The following ZNF763 variants were observed in gnomAD, a reference collection of about 807,000 sequenced individuals.
ZNF763 encodes the protein zinc finger protein 763, also known as DNA-binding protein.
In ZNF763, 33 loss-of-function variants were observed where a neutral mutation model predicts 38.0. The ratio of observed to expected loss-of-function variants is 0.87; its 90% confidence interval spans 0.66 to 1.16. The LOEUF (loss-of-function observed/expected upper bound fraction) is 1.16. Among genes scored for constraint, ZNF763 ranks in the 50% most tolerant of loss-of-function variants. The pLI is 0.00. For synonymous variants in ZNF763, 155 were observed against 160.1 expected (o/e 0.97, Z 0.24); for missense variants, 423 against 469.1 (o/e 0.90, Z 0.91).
chr19:11,966,916 A>C (rs1474924080), intron 1 of ZNF763, among the ~76,000 whole-genome samples: 1 of 152,168 alleles, frequency 6.6e-6, no homozygotes, highest in Non-Finnish European at 1.5e-5. Flanking sequence ...CCAAAATTGG[A>C]AGTTAAGTTC....
rs147193621 is a variant in ZNF763, at chr19:11,975,437, G to A, written c.4-1601G>A. On this transcript the variant is annotated intron_variant, in intron 1 of 3. Coordinates refer to ENST00000358987, the MANE Select transcript of ZNF763 (RefSeq NM_001367172.2). ...TTTTGAGACAGAGTCTTGCTCTGTC[G>A]CCCAGGCTGGACTGCAGTGGCGCAA... 7.2e-3 allele frequency among the ~76,000 whole-genome samples: 1,078 copies of A among 149,948 alleles called. 18 individuals are homozygous for A. The highest frequency in any genetic ancestry group is 0.025 in the African/African-American group (1,021 of 40,514).
rs1181727876 is a variant in ZNF763 at position 11,978,827 on chromosome 19, A to G, written c.903A>G (p.Ile301Met). Residue 301 changes from isoleucine (I) to methionine (M), a missense_variant, in exon 4 of 4, where the codon ATA becomes ATG. Transcript: ENST00000358987. ...TCAGTTGGTGTCATTCCTTTCAAAT[A>G]CATGAAAGAACTCACACTGGGGAGA... ...KSFSWCHSFQIHERTHTGEKP... is the reference protein window; with the variant it reads ...KSFSWCHSFQMHERTHTGEKP... The G allele has an allele frequency of 1.9e-6, 3 of 1,614,150 alleles. No individual in the cohort carries two copies. The African/African-American group carries it at 4.0e-5, about 22-fold the overall frequency.
rs1973598158 is a variant in ZNF763 at position 11,980,566 on chromosome 19, AGGTT to A, written c.*1462_*1465del. On this transcript the variant is annotated 3_prime_UTR_variant, in exon 4 of 4. Transcript: ENST00000358987. ...TATACCTTAGAAAGCTATTTTTTTC[AGGTT>A]GGTTTAGTGAGTCACAGGAAGCTAA... Among the ~76,000 whole-genome samples the A allele has an allele frequency of 1.3e-5, 2 of 152,236 alleles. No homozygotes were observed. The highest frequency in any genetic ancestry group is 3.9e-4 in the East Asian group (2 of 5,188).
chr19:11,969,894 G>A (rs1281133314), intron 1 of ZNF763, among the ~76,000 whole-genome samples: 2 of 152,174 alleles, frequency 1.3e-5, no homozygotes, highest in Non-Finnish European at 2.9e-5. Context: ...TTTACAGGGT[G>A]ATGTGTCTTC....
In ZNF763 at chr19:11,967,594, G is replaced by A. The variant is rs536701466; in HGVS notation, c.3+2383G>A. Among the ~76,000 whole-genome samples the A allele has an allele frequency of 1.4e-3, 213 of 152,142 alleles. 10 individuals carry two copies. The highest frequency in any genetic ancestry group is 1.2e-3 in the South Asian group (6 of 4,822). On this transcript the variant is annotated intron_variant, in intron 1 of 3. Transcript: ENST00000358987. The stretch of plus-strand genomic sequence containing the variant: ...AATTTTTTGTATTTTTAGTAGAGAC[G>A]GGGTTTCACCGTGTTAGCCAGGATG...
chr19:11,971,144 A>C (rs1973342734), intron 1 of ZNF763, among the ~76,000 whole-genome samples: 1 of 152,144 alleles, frequency 6.6e-6, no homozygotes, highest in Admixed American at 6.5e-5. Context: ...TTAAAGAATA[A>C]ACATTTGTTT....
chr19:11,977,425 A>T lies in ZNF763; in HGVS notation c.185A>T (p.Asn62Ile), dbSNP rs1973519642. The change falls in exon 3 of 4, where the codon AAC (asparagine) becomes ATC (isoleucine). Residue 62 changes from asparagine (N) to isoleucine (I), a missense_variant. Coordinates refer to ENST00000358987, the MANE Select transcript of ZNF763 (RefSeq NM_001367172.2). ...IEYEYQNPRR[N>I]FRSLIEGNVN... ...TATGAGTACCAAAACCCCAGGAGAA[A>T]CTTCAGGTAATTGGCACTTAAAGAG... 1.9e-6 allele frequency: 3 copies of T among 1,613,970 alleles called. No homozygotes were observed. The highest frequency in any genetic ancestry group is 8.5e-7 in the Non-Finnish European group (1 of 1,179,906).
chr19:11,975,065 G>A (rs1046271277), intron 1 of ZNF763, among the ~76,000 whole-genome samples: 1 of 151,680 alleles, frequency 6.6e-6, no homozygotes, highest in Non-Finnish European at 1.5e-5. Flanking sequence ...GATGTTTCTT[G>A]CATGTCATAG....
intron 1 of ZNF763, among the ~76,000 whole-genome samples, chr19:11,974,209 T>A (rs1369827298): frequency 8.0e-6 from 1 of 125,302 alleles, no homozygotes; most frequent in Non-Finnish European, 1.7e-5. Flanking sequence ...TTTTTTTTTG[T>A]TTTTTGTTTT....
chr19:11,971,556 A>C (rs1973350906), intron 1 of ZNF763, among the ~76,000 whole-genome samples: 1 of 152,220 alleles, frequency 6.6e-6, no homozygotes, highest in Admixed American at 6.5e-5. Context: ...AGTGAAAAAA[A>C]CAAACTGCCT....
chr19:11,978,458 A>G lies in ZNF763; in HGVS notation c.534A>G (p.Gly178=), dbSNP rs1263333044. Residue 178 remains glycine (G), a synonymous_variant, in exon 4 of 4, where the codon GGA becomes GGG. Coordinates refer to ENST00000358987, the MANE Select transcript of ZNF763 (RefSeq NM_001367172.2). ...AACCCTATGCTTGTAAAGAATGTGG[A>G]AAAACCTTTATTTCCCATTCAGGCA... ...GEKPYACKEC[G]KTFISHSGIR... is the part of the protein sequence containing the mutation. 3 of 1,614,176 alleles carry G rather than the reference A, an allele frequency of 1.9e-6. No individual in the cohort carries two copies. The East Asian group carries it at 6.7e-5, about 36-fold the overall frequency.
At chr19:11,977,300 G>A in intron 2 of ZNF763, 71 bp from the exon 3 acceptor site, 1 of 1,605,610 alleles carries the variant, frequency 6.2e-7, no homozygotes, top group Non-Finnish European at 8.5e-7. Context: ...GTAAATCATA[G>A]ACATAGAATC....
chr19:11,975,467 G>A (rs1024836116), intron 1 of ZNF763, among the ~76,000 whole-genome samples: 15 of 150,244 alleles, frequency 1.0e-4, no homozygotes, highest in Admixed American at 7.9e-4. Flanking sequence ...GCGCAATCTC[G>A]GCTCACTGCA....
intron 1 of ZNF763, among the ~76,000 whole-genome samples, chr19:11,967,075 C>T (rs1973247211): frequency 6.6e-6 from 1 of 152,194 alleles, no homozygotes; most frequent in Admixed American, 6.5e-5. Context: ...TGGCTTAGGC[C>T]TGTAATTCAA....
intron 1 of ZNF763, among the ~76,000 whole-genome samples, chr19:11,971,791 C>T (rs1314205558): frequency 7.2e-5 from 11 of 152,124 alleles, no homozygotes. Context: ...TGGCCGGGCG[C>T]GGTGGCTCAC....
intron 1 of ZNF763, among the ~76,000 whole-genome samples, chr19:11,970,175 A>G (rs1973322070): frequency 6.6e-6 from 1 of 152,176 alleles, no homozygotes. Flanking sequence ...TGCCAATCGG[A>G]TGTTGCTAAT....
intron 1 of ZNF763, among the ~76,000 whole-genome samples, chr19:11,975,008 G>A (rs1393369599): frequency 6.6e-6 from 1 of 152,062 alleles, no homozygotes; most frequent in African/African-American, 2.4e-5. Context: ...ATCTACATAA[G>A]TTCTCTAAGA....
In ZNF763 at chr19:11,977,377, A is replaced by G. The variant is rs1378236256; in HGVS notation, c.137A>G (p.Lys46Arg). The G allele has an allele frequency of 6.2e-7, 1 of 1,613,834 alleles. No homozygotes were observed. Among genetic ancestry groups the G allele is most frequent in the Non-Finnish European group, 8.5e-7 (1 of 1,179,882 alleles). Residue 46 changes from lysine (K) to arginine (R), a missense_variant, in exon 3 of 4, where the codon AAG becomes AGG. Lys to Arg is a conservative substitution (Grantham distance 26). Transcript: ENST00000358987. The stretch of plus-strand genomic sequence containing the variant: ...TTCTGTGTCTGTATTTTAGGGAAAA[A>G]GTGGAAAGACCAGAACATTGAATAT... Reference protein sequence around the residue: ...TFRNLTSIGKKWKDQNIEYEY... With the variant: ...TFRNLTSIGKRWKDQNIEYEY...
chr19:11,972,211 G>A (rs1973367296), intron 1 of ZNF763, among the ~76,000 whole-genome samples: 1 of 152,068 alleles, frequency 6.6e-6, no homozygotes, highest in Admixed American at 6.6e-5. Context: ...GTTGAGCCTA[G>A]GAGTTTGAGG....
Sources: allele counts gnomAD v4.1 joint callset (sites outside exome capture counted in the v4.1 genomes callset), GRCh38; gene constraint gnomAD v4.1.1; transcripts MANE v1.5; gene names NCBI Gene and HGNC (gene_info 2026-07-23, HGNC 2026-07-21).